NFIX: variants seen among roughly 807,000 people sequenced by gnomAD.
NFIX encodes nuclear factor 1 X-type.
NFIX carries 2 observed loss-of-function variants against 53.3 expected under a neutral mutation model. That is an observed-to-expected ratio of 0.04 (90% CI 0.02 to 0.12). NFIX has a LOEUF of 0.12. Ranked by LOEUF, NFIX falls within the 10% of genes least tolerant of loss-of-function variation. NFIX has a pLI of 1.00. For synonymous variants in NFIX, 244 were observed against 289.0 expected (o/e 0.84, Z 1.58); for missense variants, 310 against 674.5 (o/e 0.46, Z 5.99).
intron 1 of NFIX, among the ~76,000 whole-genome samples, chr19:13,016,174 A>G (rs1405491374): frequency 1.3e-5 from 2 of 152,058 alleles, no homozygotes; most frequent in East Asian, 3.8e-4. Flanking sequence ...AAGAAGCCCC[A>G]CTCTCAAAGG....
intron 2 of NFIX, among the ~76,000 whole-genome samples, chr19:13,053,015 C>T (rs1414228006): frequency 1.3e-5 from 2 of 152,236 alleles, no homozygotes; most frequent in African/African-American, 4.8e-5. Flanking sequence ...ACGTCCCTTC[C>T]TTCCGTGTGG....
chr19:13,041,887 C>CTTGT (rs576842548), intron 2 of NFIX, among the ~76,000 whole-genome samples: 15 of 148,112 alleles, frequency 1.0e-4, no homozygotes, highest in African/African-American at 2.0e-4. Flanking sequence ...TTTTCTTTTT[C>CTTGT]TTGTTTGTTT....
intron 5 of NFIX, among the ~76,000 whole-genome samples, chr19:13,074,602 G>A (rs2016962535): frequency 6.6e-6 from 1 of 151,922 alleles, no homozygotes; most frequent in Non-Finnish European, 1.5e-5. Context: ...TAGAGTGGGG[G>A]AGGGCCTGGA....
chr19:13,050,788 C>T (rs1031660578), intron 2 of NFIX, among the ~76,000 whole-genome samples: 1 of 152,198 alleles, frequency 6.6e-6, no homozygotes, highest in Non-Finnish European at 1.5e-5. Flanking sequence ...ACCCAGTCCC[C>T]TTTAACCCAA....
intron 2 of NFIX, among the ~76,000 whole-genome samples, chr19:13,053,111 G>C (rs1034089604): frequency 6.6e-6 from 1 of 152,220 alleles, no homozygotes; most frequent in African/African-American, 2.4e-5. Context: ...CAGAATGCGG[G>C]GTAGGGCTTC....
Position 13,025,605 on chromosome 19 carries a change from T to C in NFIX, c.559+53T>C. ...CTCATTTTATTTTCCTTGCTGGCAT[T>C]TGTTCTGTTTATTGTTCCTCTAATT... is the stretch of plus-strand genomic sequence containing the variant. On this transcript the variant is annotated intron_variant, in intron 2 of 10. Transcript: ENST00000592199. The surrounding 1 kb of genome is among the most constrained non-coding windows in gnomAD (Gnocchi z 7.5). 6.4e-7 allele frequency: 1 copy of C among 1,571,596 alleles called. No individual in the cohort carries two copies. Among genetic ancestry groups the C allele is most frequent in the Non-Finnish European group, 8.6e-7 (1 of 1,160,448 alleles).
rs537666512 is a variant in NFIX at position 13,027,059 on chromosome 19, C to T, written c.559+1507C>T. ...CACTGCGTCAGGAATGTAATCTAGA[C>T]TAGAGTGAGCCCTGAGTTTACATGT... On this transcript the variant is annotated intron_variant, in intron 2 of 10. Transcript: ENST00000592199. This position sits in a 1 kb window ranked among gnomAD's most constrained non-coding sequence, Gnocchi z 4.3. Among the ~76,000 whole-genome samples, 108 of 152,270 alleles carry T rather than the reference C, an allele frequency of 7.1e-4. No individual in the cohort carries two copies. The highest frequency in any genetic ancestry group is 2.5e-3 in the African/African-American group (103 of 41,560).
intron 2 of NFIX, among the ~76,000 whole-genome samples, chr19:13,030,071 G>A (rs531862856): frequency 1.6e-4 from 25 of 152,306 alleles, no homozygotes; most frequent in African/African-American, 5.5e-4. Context: ...ACCCTGTGCC[G>A]CCTCATCCAT....
intron 1 of NFIX, among the ~76,000 whole-genome samples, chr19:13,019,930 C>T (rs1322454140): frequency 6.7e-6 from 1 of 148,642 alleles, no homozygotes; most frequent in Non-Finnish European, 1.5e-5. Flanking sequence ...TTCCTTTTTT[C>T]CCCCCTTGTC....
chr19:13,024,980 G>A (rs756008190), intron 1 of NFIX, 41 bp from the exon 2 acceptor site: 23 of 1,556,064 alleles, frequency 1.5e-5, no homozygotes, highest in South Asian at 2.4e-5. Context: ...CCCTCCTCCC[G>A]TCCTCCCTCG....
rs74181688 is a variant in NFIX at position 13,064,862 on chromosome 19, G to A, written c.560-8185G>A. 5.9e-3 allele frequency among the ~76,000 whole-genome samples: 901 copies of A among 152,280 alleles called. 4 individuals carry two copies. The highest frequency in any genetic ancestry group is 0.011 in the Non-Finnish European group (728 of 68,012). On this transcript the variant is annotated intron_variant, in intron 2 of 10. Coordinates refer to ENST00000592199, the MANE Select transcript of NFIX (RefSeq NM_001365902.3). ...TAGTAATCCAGGTGGAAGGACAGGC[G>A]ACATTTATGTAGCCCCAACTATGAG...
intron 2 of NFIX, among the ~76,000 whole-genome samples, chr19:13,064,435 T>G (rs1285351027): frequency 2.0e-5 from 3 of 152,214 alleles, no homozygotes; most frequent in African/African-American, 7.2e-5. Context: ...AGCTCTATCC[T>G]CCCTTTTCCC....
chr19:13,088,219 TC>T lies in NFIX; in HGVS notation c.1402+88del, dbSNP rs1271640536. On this transcript the variant is annotated intron_variant, in intron 9 of 10. Transcript: ENST00000592199. The surrounding 1 kb of genome is among the most constrained non-coding windows in gnomAD (Gnocchi z 5.9). ...GTCTCCACTGCAAAAAGAAAAGCCT[TC>T]CCCCTCCCCACCACCAAAGCCCCCC... 1.3e-5 allele frequency: 19 copies of T among 1,460,890 alleles called. No homozygotes were observed. The highest frequency in any genetic ancestry group is 4.3e-5 in the African/African-American group (3 of 70,580). The allele number at this position is 1,460,890 out of a possible 1,614,324, so 90.5% of individuals were successfully genotyped here.
intron 2 of NFIX, among the ~76,000 whole-genome samples, chr19:13,057,464 AC>A (rs1431384417): frequency 6.6e-6 from 1 of 152,186 alleles, no homozygotes; most frequent in Non-Finnish European, 1.5e-5. Flanking sequence ...GAGGAGCCCT[AC>A]GAGCTGCAGA....
intron 1 of NFIX, among the ~76,000 whole-genome samples, chr19:13,020,931 G>C (rs976231251): frequency 1.3e-5 from 2 of 152,034 alleles, no homozygotes; most frequent in African/African-American, 4.8e-5. Flanking sequence ...AACCCATGTC[G>C]AGCATGTCTC....
At chr19:13,083,260 A>G (rs2017579695) in intron 8 of NFIX, among the ~76,000 whole-genome samples, 2 of 152,292 alleles carry the variant, frequency 1.3e-5, no homozygotes, top group South Asian at 4.1e-4. Context: ...CTACCAGCCT[A>G]TGCCCAGCCC....
In NFIX at chr19:13,002,011, T is replaced by C. The variant is rs1399537679; in HGVS notation, c.27+6147T>C. On this transcript the variant is annotated intron_variant, in intron 1 of 10. Transcript: ENST00000592199. This position sits in a 1 kb window ranked among gnomAD's most constrained non-coding sequence, Gnocchi z 6.1. ...CTGCCCGGCGCACATTGATCTTGGCTTCTGCCTGTGTCCGTTCTAGCCTGG... is the reference window on the plus strand; with the variant it reads ...CTGCCCGGCGCACATTGATCTTGGCCTCTGCCTGTGTCCGTTCTAGCCTGG... 6.6e-6 allele frequency among the ~76,000 whole-genome samples: 1 copy of C among 152,112 alleles called. No individual in the cohort carries two copies. Among genetic ancestry groups the C allele is most frequent in the Non-Finnish European group, 1.5e-5 (1 of 67,998 alleles).
Position 13,094,802 on chromosome 19 carries a change from C to T in NFIX, c.*153C>T, listed in dbSNP as rs2018342009. On this transcript the variant is annotated 3_prime_UTR_variant, in exon 11 of 11. Transcript: ENST00000592199. The surrounding 1 kb of genome is among the most constrained non-coding windows in gnomAD (Gnocchi z 4.3). ...TCAGCCACTCAGCCCTTCTCTCCTC[C>T]AGCCCGGGGACCCCCGCGGGCCCCA... The T allele has an allele frequency of 1.3e-6, 1 of 788,506 alleles. No homozygotes were observed. Among genetic ancestry groups the T allele is most frequent in the Non-Finnish European group, 2.0e-6 (1 of 499,072 alleles). The allele number at this position is 788,506 out of a possible 1,614,324, so 48.8% of individuals were successfully genotyped here. A position where few individuals can be genotyped will look rare whatever the true frequency, so the allele number is the denominator to read the frequency against.
intron 1 of NFIX, among the ~76,000 whole-genome samples, chr19:12,997,697 C>A (rs2011519883): frequency 1.3e-5 from 2 of 152,234 alleles, no homozygotes; most frequent in African/African-American, 4.8e-5. Context: ...GCCTCCCATG[C>A]CAAGCACGCC....
Sources: allele counts gnomAD v4.1 joint callset (sites outside exome capture counted in the v4.1 genomes callset), GRCh38; gene constraint gnomAD v4.1.1; non-coding constraint Gnocchi (gnomAD v3.1); transcripts MANE v1.5; gene names NCBI Gene and HGNC (gene_info 2026-07-23, HGNC 2026-07-21).